The following DTNA variants were observed in gnomAD, a reference collection of about 807,000 sequenced individuals.
DTNA encodes the protein dystrobrevin alpha.
Under a neutral mutation model 100.7 loss-of-function variants are expected in DTNA, and 43 were observed. That is an observed-to-expected ratio of 0.43 (90% CI 0.33 to 0.55). The LOEUF (loss-of-function observed/expected upper bound fraction) is 0.55. DTNA is among the 20% of genes least tolerant of loss of function. The pLI is 0.04. For synonymous variants in DTNA, 349 were observed against 347.9 expected, an observed-to-expected ratio of 1.00 and a Z score of -0.04; for missense variants, 798 against 953.9, an observed-to-expected ratio of 0.84 and a Z score of 2.15.
chr18:34,678,227 G>A (rs1015478499), intron 1 of DTNA, among the ~76,000 whole-genome samples: 6 of 152,060 alleles, frequency 3.9e-5, no homozygotes, highest in East Asian at 3.9e-4. Context: ...TAAACCTCAC[G>A]TAATGAACAT....
At chr18:34,640,856 C>A (rs1476308098) in intron 1 of DTNA, among the ~76,000 whole-genome samples, 1 of 152,102 alleles carries the variant, frequency 6.6e-6, no homozygotes, top group Non-Finnish European at 1.5e-5. Context: ...TTGTTTTTTT[C>A]TTATGGCCTT....
chr18:34,821,696 T>C (rs2095723825), intron 9 of DTNA, among the ~76,000 whole-genome samples: 2 of 152,194 alleles, frequency 1.3e-5, no homozygotes, highest in Non-Finnish European at 2.9e-5. Flanking sequence ...AGATGTCATG[T>C]AGTCACAGAT....
At chr18:34,691,767 C>A (rs1465904049) in intron 1 of DTNA, among the ~76,000 whole-genome samples, 1 of 152,158 alleles carries the variant, frequency 6.6e-6, no homozygotes, top group Non-Finnish European at 1.5e-5. Flanking sequence ...GACACTCCTC[C>A]CATCCACACC....
intron 1 of DTNA, among the ~76,000 whole-genome samples, chr18:34,731,062 A>G (rs139795056): frequency 3.7e-4 from 56 of 152,322 alleles, no homozygotes; most frequent in African/African-American, 1.2e-3. Context: ...TTCATACTCA[A>G]ATGCATCAAG....
chr18:34,600,394 T>C (rs1382961549), intron 1 of DTNA, among the ~76,000 whole-genome samples: 2 of 152,222 alleles, frequency 1.3e-5, no homozygotes, highest in Non-Finnish European at 2.9e-5. Flanking sequence ...GTTACTTTAA[T>C]TATTTTTCTT....
At chr18:34,678,720 A>C (rs2077693634) in intron 1 of DTNA, among the ~76,000 whole-genome samples, 1 of 152,072 alleles carries the variant, frequency 6.6e-6, no homozygotes, top group Non-Finnish European at 1.5e-5. Flanking sequence ...ACTCCCAGCC[A>C]TAGGGTCAGG....
intron 1 of DTNA, among the ~76,000 whole-genome samples, chr18:34,600,785 T>C (rs1172383669): frequency 6.6e-6 from 1 of 152,146 alleles, no homozygotes; most frequent in East Asian, 1.9e-4. Context: ...CTATGGGTGG[T>C]TTCCTCAGGT....
intron 1 of DTNA, among the ~76,000 whole-genome samples, chr18:34,607,160 A>G (rs1437403562): frequency 2.0e-5 from 3 of 152,162 alleles, no homozygotes; most frequent in Non-Finnish European, 4.4e-5. Context: ...AAGATGCACC[A>G]TTTTTATCCA....
chr18:34,576,045 C>T (rs57038010), intron 1 of DTNA, among the ~76,000 whole-genome samples: 1 of 152,106 alleles, frequency 6.6e-6, no homozygotes, highest in African/African-American at 2.4e-5. Flanking sequence ...TTCTTTCTCC[C>T]TACATTTATA....
intron 1 of DTNA, among the ~76,000 whole-genome samples, chr18:34,669,039 C>T (rs1407277362): frequency 6.6e-6 from 1 of 152,104 alleles, no homozygotes; most frequent in Non-Finnish European, 1.5e-5. Context: ...GAAAGTCTCC[C>T]ATTATTATTG....
At chr18:34,601,494 C>T (rs2051819576) in intron 1 of DTNA, among the ~76,000 whole-genome samples, 1 of 152,132 alleles carries the variant, frequency 6.6e-6, no homozygotes, top group Admixed American at 6.5e-5. Flanking sequence ...CCTACCTCAC[C>T]ATGTGCTTAG....
rs774480677 is a variant in DTNA, at chr18:34,838,822, G to A, written c.1331G>A (p.Arg444Gln). ...ATCGGGTTGTATGTCAACATGCTCC[G>A]GAACAACCCCTCATGGTTAGTGCAG... ...VLIGLYVNMLRNNPSCMLESS... is the reference protein window; with the variant it reads ...VLIGLYVNMLQNNPSCMLESS... The change falls in exon 13 of 23, where the codon CGG becomes CAG. Residue 444 changes from arginine to glutamine, a missense_variant. Coordinates refer to ENST00000444659, the MANE Select transcript of DTNA (RefSeq NM_001386795.1). The A allele has an allele frequency of 1.9e-5, 31 of 1,613,466 alleles. No individual in the cohort carries two copies. Among genetic ancestry groups the A allele is most frequent in the African/African-American group, 4.0e-5 (3 of 74,850 alleles).
chr18:34,600,024 T>C (rs1472896109), intron 1 of DTNA, among the ~76,000 whole-genome samples: 1 of 152,168 alleles, frequency 6.6e-6, no homozygotes, highest in Middle Eastern at 3.2e-3. Flanking sequence ...AATGTATTTG[T>C]CTTAATCTCC....
chr18:34,670,632 G>A (rs369806433), intron 1 of DTNA, among the ~76,000 whole-genome samples: 50 of 152,224 alleles, frequency 3.3e-4, no homozygotes, highest in East Asian at 2.5e-3. Flanking sequence ...GTTAGTTATC[G>A]TTTTAACAGT....
Position 34,890,039 on chromosome 18 carries a change from G to A in DTNA, c.*2305G>A. 1.5e-6 allele frequency: 2 copies of A among 1,293,878 alleles called. No homozygotes were observed. The highest frequency in any genetic ancestry group is 2.2e-5 in the South Asian group (1 of 45,084). The allele number at this position is 1,293,878 out of a possible 1,614,324, so 80.1% of individuals were successfully genotyped here. A position where few individuals can be genotyped will look rare whatever the true frequency, so the allele number is the denominator to read the frequency against. On this transcript the variant is annotated 3_prime_UTR_variant, in exon 23 of 23. Coordinates refer to ENST00000444659, the MANE Select transcript of DTNA (RefSeq NM_001386795.1). ...CATAGCCAGGTAGTTCTTGAACTCA[G>A]AACTTAAATCCTGCACGTGGCACTC...
At chr18:34,537,023 A>G (rs550607270) in intron 1 of DTNA, among the ~76,000 whole-genome samples, 2 of 152,128 alleles carry the variant, frequency 1.3e-5, no homozygotes, top group South Asian at 2.1e-4. Context: ...TTCAGGGACA[A>G]TAAAAGATAT....
intron 1 of DTNA, among the ~76,000 whole-genome samples, chr18:34,613,758 T>C (rs1319820805): frequency 6.6e-6 from 1 of 151,998 alleles, no homozygotes; most frequent in Admixed American, 6.6e-5. Context: ...GTTCATGAGG[T>C]TGAAAGAAAG....
At chr18:34,752,375 A>C (rs1420997293) in intron 1 of DTNA, among the ~76,000 whole-genome samples, 9 of 152,214 alleles carry the variant, frequency 5.9e-5, no homozygotes, top group African/African-American at 2.2e-4. Flanking sequence ...TTTCAAAGGC[A>C]GTGAGAATGT....
At chr18:34,861,857 C>A (rs1469873057) in intron 16 of DTNA, among the ~76,000 whole-genome samples, 17 of 152,084 alleles carry the variant, frequency 1.1e-4, no homozygotes, top group Admixed American at 1.1e-3. Context: ...TGCCATTACT[C>A]TTAATGGCAA....
Sources: allele counts gnomAD v4.1 joint callset (sites outside exome capture counted in the v4.1 genomes callset), GRCh38; gene constraint gnomAD v4.1.1; transcripts MANE v1.5; gene names NCBI Gene and HGNC (gene_info 2026-07-23, HGNC 2026-07-21).